Variants in EDRF1 observed in about 807,000 individuals in gnomAD.
The protein encoded by EDRF1 is erythroid differentiation regulatory factor 1.
EDRF1 carries 69 observed loss-of-function variants against 148.7 expected under a neutral mutation model. The ratio of observed to expected loss-of-function variants is 0.46; its 90% CI spans 0.38 to 0.57. The LOEUF (loss-of-function observed/expected upper bound fraction) is 0.57, where lower values mean the gene tolerates loss of function less well. Ranked by LOEUF, EDRF1 falls within the 20% of genes least tolerant of loss-of-function variation. The pLI is 0.00. For missense variants in EDRF1, 1,118 were observed against 1,478.7 expected (o/e 0.76, Z 4.00); for synonymous variants, 515 against 532.8 (o/e 0.97, Z 0.46).
intron 12 of EDRF1, 135 bp downstream of exon 12, chr10:125,734,318 T>A: frequency 2.8e-6 from 2 of 717,684 alleles, no homozygotes; most frequent in Non-Finnish European, 5.0e-6. Context: ...CACATGTGGC[T>A]GTTGATCACT....
Position 125,723,807 on chromosome 10 carries a change from T to C in EDRF1, c.385-4T>C, listed in dbSNP as rs200081757. The C allele has an allele frequency of 2.8e-4, 456 of 1,612,420 alleles. No homozygotes were observed. The African/African-American group carries it at 5.4e-3, about 19-fold the overall frequency. On this transcript the variant is annotated splice_polypyrimidine_tract_variant and splice_region_variant and intron_variant, in intron 3 of 24. Coordinates refer to ENST00000356792, the MANE Select transcript of EDRF1 (RefSeq NM_001202438.2). ...TAAACTATTTTTTCTCTTAATTTTT[T>C]AAGAACATAAAAAAACTCCTGAAAA...
In EDRF1 at chr10:125,753,556, A is replaced by G. The variant is rs1849746705; in HGVS notation, c.3394-138A>G. On this transcript the variant is annotated intron_variant, in intron 23 of 24. Coordinates refer to ENST00000356792, the MANE Select transcript of EDRF1 (RefSeq NM_001202438.2). ...TGTTTTAGTCTATCAAAATGATCATAGGTGTGCTTTTTGTTTGTTTGTCTT... is the reference window on the plus strand; with the variant it reads ...TGTTTTAGTCTATCAAAATGATCATGGGTGTGCTTTTTGTTTGTTTGTCTT... 5 of 895,612 alleles carry G rather than the reference A, an allele frequency of 5.6e-6. 1 individual carries two copies. In the South Asian group the frequency reaches 5.6e-5, roughly 10 times the overall value. The allele number at this position is 895,612 out of a possible 1,614,324, so 55.5% of individuals were successfully genotyped here.
rs376790702 is a variant in EDRF1 at position 125,735,924 on chromosome 10, A to G, written c.1758+20A>G. The G allele has an allele frequency of 1.9e-6, 3 of 1,579,194 alleles. No individual in the cohort carries two copies. Among genetic ancestry groups the G allele is most frequent in the Admixed American group, 1.7e-5 (1 of 58,438 alleles). On this transcript the variant is annotated intron_variant, in intron 13 of 24. Transcript: ENST00000356792. ...ATCAGAGTAAGCCTTTAGAATTTATATTAAATTTTTATCAAGGAAACATAA... is the reference window on the plus strand; with the variant it reads ...ATCAGAGTAAGCCTTTAGAATTTATGTTAAATTTTTATCAAGGAAACATAA...
chr10:125,724,820 T>C (rs57373067), intron 4 of EDRF1, among the ~76,000 whole-genome samples: 3,783 of 152,336 alleles, frequency 0.025, 171 homozygotes, highest in African/African-American at 0.085. Flanking sequence ...GGTCAGTCTT[T>C]AAAGAATATT....
At position 125,744,245 on chromosome 10, in the gene EDRF1, G is replaced by T. The variant is rs551005957; in HGVS notation, c.2590+969G>T. 4.3e-3 allele frequency among the ~76,000 whole-genome samples: 641 copies of T among 150,748 alleles called. 30 individuals carry two copies. In the East Asian group the frequency reaches 0.089, roughly 21 times the overall value. ...TTTTTTTTTTTTTTTTTGAGACAGG[G>T]TTTTACTCTGTCGCGCAGGCTAGAA... On this transcript the variant is annotated intron_variant, in intron 18 of 24. Transcript: ENST00000356792.
Position 125,747,699 on chromosome 10 carries a change from TA to T in EDRF1, c.2973+7del. 1 of 1,614,154 alleles carries T rather than the reference TA, an allele frequency of 6.2e-7. No individual in the cohort carries two copies. The highest frequency in any genetic ancestry group is 8.5e-7 in the Non-Finnish European group (1 of 1,180,000). On this transcript the variant is annotated splice_donor_region_variant and intron_variant, in intron 20 of 24. Coordinates refer to ENST00000356792, the MANE Select transcript of EDRF1 (RefSeq NM_001202438.2). ...TCTAGAAAAGCTCAGGAGCAGGTGA[TA>T]ATATTTGCTGGAGTATAAAATAAGT...
chr10:125,738,238 T>C (rs2133709895), intron 14 of EDRF1, 57 bp from the exon 15 acceptor site: 1 of 1,598,290 alleles, frequency 6.3e-7, no homozygotes, highest in South Asian at 1.1e-5. Context: ...GTCTTATATT[T>C]AGTTTTCAGT....
At chr10:125,737,782 C>A in intron 13 of EDRF1, 136 bp from the exon 14 acceptor site, 2 of 824,194 alleles carry the variant, frequency 2.4e-6, no homozygotes. Context: ...GTACTTAAAG[C>A]AACATATATG....
intron 22 of EDRF1, among the ~76,000 whole-genome samples, chr10:125,751,521 C>T (rs1030141946): frequency 6.6e-6 from 1 of 151,932 alleles, no homozygotes; most frequent in Non-Finnish European, 1.5e-5. Context: ...GCTTGTCTTC[C>T]AGATGCCAAA....
chr10:125,736,137 T>C (rs1848717456), intron 13 of EDRF1, among the ~76,000 whole-genome samples: 1 of 152,176 alleles, frequency 6.6e-6, no homozygotes, highest in Non-Finnish European at 1.5e-5. Flanking sequence ...CTGTCTATTC[T>C]TATGTGAAGG....
chr10:125,734,302 C>CATT (rs1353182145), intron 12 of EDRF1, 119 bp downstream of exon 12: 1 of 772,578 alleles, frequency 1.3e-6, no homozygotes, highest in African/African-American at 1.7e-5. Context: ...GTGTGGTAGC[C>CATT]ATTAGCACAT....
chr10:125,759,121 A>G (rs978748063), intron 24 of EDRF1, among the ~76,000 whole-genome samples: 2 of 151,990 alleles, frequency 1.3e-5, no homozygotes, highest in African/African-American at 4.8e-5. Flanking sequence ...CAGGATTCTC[A>G]CTGGTCTTTT....
chr10:125,731,930 G>A (rs1212397181), intron 9 of EDRF1: 2 of 448,890 alleles, frequency 4.5e-6, no homozygotes, highest in African/African-American at 4.0e-5. Flanking sequence ...GCTCAAGTGA[G>A]TTGCCCAGGG....
chr10:125,741,085 A>C lies in EDRF1; in HGVS notation c.2255A>C (p.Gln752Pro). ...SQYLTLCGDI[Q>P]LMLAQNANNR... ...TATTTGACACTTTGTGGTGATATCC[A>C]ACTAATGCTGGCCCAGAATGCAAAT... The change falls in exon 17 of 25, where the codon CAA becomes CCA. Residue 752 changes from glutamine to proline, a missense_variant. Physicochemically the swap from Gln to Pro is moderately conservative, Grantham distance 76. Around this residue, in one of 3 missense-constraint regions of EDRF1, gnomAD observed 954 missense variants for 1,241.4 expected, o/e 0.77. Transcript: ENST00000356792. 1 of 1,614,166 alleles carries C rather than the reference A, an allele frequency of 6.2e-7. No homozygotes were observed. The highest frequency in any genetic ancestry group is 2.2e-5 in the East Asian group (1 of 44,896).
At chr10:125,740,194 G>A (rs1052597641) in intron 15 of EDRF1, among the ~76,000 whole-genome samples, 1 of 152,192 alleles carries the variant, frequency 6.6e-6, no homozygotes, top group Non-Finnish European at 1.5e-5. Flanking sequence ...GGAGACAGGT[G>A]TCACTCATGA....
chr10:125,741,297 G>A (rs2133720257), intron 17 of EDRF1, 96 bp downstream of exon 17: 1 of 1,108,334 alleles, frequency 9.0e-7, no homozygotes, highest in East Asian at 2.5e-5. Context: ...AAATATTAGA[G>A]TTTTGATATT....
At position 125,747,884 on chromosome 10, in the gene EDRF1, G is replaced by T. The variant is rs1285197017; in HGVS notation, c.2995G>T (p.Ala999Ser). 6.2e-7 allele frequency: 1 copy of T among 1,614,148 alleles called. No individual in the cohort carries two copies. Among genetic ancestry groups the T allele is most frequent in the Admixed American group, 1.7e-5 (1 of 60,018 alleles). The change falls in exon 21 of 25, where the codon GCC (alanine) becomes TCC (serine). Residue 999 changes from alanine (A) to serine (S), a missense_variant. Transcript: ENST00000356792. ...QEQIEKEVSE[A>S]MMKSLKYCDV... ...ACAGATTGAGAAAGAAGTCAGTGAG[G>T]CCATGATGAAGTCCCTAAAATACTG...
At chr10:125,730,620 A>G (rs942417417) in intron 9 of EDRF1, among the ~76,000 whole-genome samples, 1 of 152,236 alleles carries the variant, frequency 6.6e-6, no homozygotes, top group African/African-American at 2.4e-5. Flanking sequence ...TCATAAATAT[A>G]TGAAAACCTG....
rs544281751 is a variant in EDRF1 at position 125,738,219 on chromosome 10, C to T, written c.1831-76C>T. The T allele has an allele frequency of 2.0e-4, 309 of 1,561,610 alleles. 4 individuals are homozygous for T. The South Asian group carries it at 3.3e-3, about 17-fold the overall frequency. On this transcript the variant is annotated intron_variant, in intron 14 of 24. Coordinates refer to ENST00000356792, the MANE Select transcript of EDRF1 (RefSeq NM_001202438.2). ...AATTTTCCTAAACGTATTCAGTAGT[C>T]CAGATACTGTCTTATATTTAGTTTT...
Sources: gnomAD v4.1 joint callset for allele counts (sites outside exome capture counted in the v4.1 genomes callset) on GRCh38, gnomAD v4.1.1 for gene constraint, gnomAD v4.1.1 regional missense constraint, MANE v1.5 for transcripts, NCBI Gene and HGNC (gene_info 2026-07-23, HGNC 2026-07-21) for gene names.